The following PRIM2 variants were observed in gnomAD, a reference collection of about 807,000 sequenced individuals.
PRIM2 encodes DNA primase subunit 2.
A neutral mutation model predicts 67.3 loss-of-function variants in PRIM2; 39 were observed. The observed-to-expected ratio is 0.58, with a 90% CI of 0.45 to 0.76. The LOEUF (loss-of-function observed/expected upper bound fraction) is 0.76. Among genes scored for constraint, PRIM2 ranks in the 30% least tolerant of loss-of-function variants. The probability of loss-of-function intolerance (pLI) is 0.00; values close to 1 mark genes in which losing one functional copy is unlikely to be tolerated. For missense variants in PRIM2, 398 were observed against 598.7 expected (o/e 0.66, Z 3.50); for synonymous variants, 143 against 198.7 (o/e 0.72, Z 2.36).
At chr6:57,398,346 T>C (rs951984520) in intron 7 of PRIM2, among the ~76,000 whole-genome samples, 3 of 152,144 alleles carry the variant, frequency 2.0e-5, no homozygotes, top group African/African-American at 7.2e-5. Context: ...TCTAATATGT[T>C]GTATCTTTGC....
rs1183448473 is a variant in PRIM2 at position 57,555,198 on chromosome 6, G to A, written c.1020+17573G>A. On this transcript the variant is annotated intron_variant, in intron 10 of 13. Transcript: ENST00000615550. ...ACTTGCTATCCTTTGGCATGGTTGAGCCATTTAAAATAATTTGTTAGAGTG... is the reference window on the plus strand; with the variant it reads ...ACTTGCTATCCTTTGGCATGGTTGAACCATTTAAAATAATTTGTTAGAGTG... Among the ~76,000 whole-genome samples, 8 of 152,284 alleles carry A rather than the reference G, an allele frequency of 5.3e-5. No homozygotes were observed. The South Asian group carries it at 6.2e-4, about 12-fold the overall frequency.
intron 5 of PRIM2, among the ~76,000 whole-genome samples, chr6:57,345,493 TGTGTGTGTGTGTG>T (rs1768645128): frequency 7.9e-4 from 63 of 79,518 alleles, no homozygotes; most frequent in African/African-American, 3.4e-3. Flanking sequence ...TGTGTGTGTG[TGTGTGTGTGTGTG>T]TACATACATA....
intron 7 of PRIM2, among the ~76,000 whole-genome samples, chr6:57,416,502 G>A (rs1771267058): frequency 6.6e-6 from 1 of 152,176 alleles, no homozygotes; most frequent in Non-Finnish European, 1.5e-5. Flanking sequence ...GTCACCAGCT[G>A]CATTAGCCCC....
the PRIM2 span, among the ~76,000 whole-genome samples, chr6:57,261,512 A>G: frequency 6.6e-6 from 1 of 152,214 alleles, no homozygotes; most frequent in Non-Finnish European, 1.5e-5. Flanking sequence ...GTGATACGGA[A>G]CAGGGTAGAG....
chr6:57,387,303 T>C (rs1770185640), intron 7 of PRIM2, among the ~76,000 whole-genome samples: 1 of 152,166 alleles, frequency 6.6e-6, no homozygotes, highest in Non-Finnish European at 1.5e-5. Context: ...AACTGACAGA[T>C]ACCAAATAAT....
intron 10 of PRIM2, among the ~76,000 whole-genome samples, chr6:57,558,159 T>C (rs1361352926): frequency 1.3e-5 from 2 of 152,294 alleles, no homozygotes; most frequent in Non-Finnish European, 1.5e-5. Context: ...AGGATAGTGA[T>C]GGGATTGATA....
At chr6:57,313,034 C>A (rs1767417136), upstream of PRIM2, among the ~76,000 whole-genome samples, 1 of 152,048 alleles carries the variant, frequency 6.6e-6, no homozygotes, top group Non-Finnish European at 1.5e-5. Context: ...CTATTCTGTT[C>A]CATTGATTGA....
At chr6:57,557,535 C>G (rs1193093727) in intron 10 of PRIM2, among the ~76,000 whole-genome samples, 5 of 152,086 alleles carry the variant, frequency 3.3e-5, no homozygotes, top group Non-Finnish European at 7.4e-5. Flanking sequence ...TCAAATGCTG[C>G]ACATTCTCAT....
intron 7 of PRIM2, among the ~76,000 whole-genome samples, chr6:57,459,106 A>C (rs9367746): frequency 4.6e-5 from 7 of 152,336 alleles, no homozygotes; most frequent in South Asian, 4.1e-4. Flanking sequence ...AGTGTTAAGT[A>C]TGCTTGTTTT....
intron 7 of PRIM2, among the ~76,000 whole-genome samples, chr6:57,418,586 T>G (rs72873505): frequency 2.6e-5 from 4 of 151,268 alleles, no homozygotes; most frequent in Admixed American, 6.6e-5. Context: ...ATTTTTAGTA[T>G]AGATGGGGTT....
intron 7 of PRIM2, among the ~76,000 whole-genome samples, chr6:57,489,278 C>T (rs1262039144): frequency 1.3e-5 from 2 of 152,180 alleles, no homozygotes; most frequent in African/African-American, 2.4e-5. Flanking sequence ...TTATTTAGGC[C>T]GGGTGCAGTG....
At chr6:57,257,374 C>T in the PRIM2 span, among the ~76,000 whole-genome samples, 14 of 151,290 alleles carry the variant, frequency 9.3e-5, no homozygotes, top group East Asian at 2.5e-3. Context: ...TGGATTCAAG[C>T]GATTCTCCTG....
the PRIM2 span, among the ~76,000 whole-genome samples, chr6:57,262,894 C>A: frequency 6.6e-6 from 1 of 152,182 alleles, no homozygotes; most frequent in African/African-American, 2.4e-5. Context: ...GCTCTCCCAA[C>A]CCCCAAACCC....
chr6:57,495,395 T>A (rs1393176105), intron 7 of PRIM2, among the ~76,000 whole-genome samples: 22 of 152,170 alleles, frequency 1.4e-4, no homozygotes, highest in African/African-American at 5.1e-4. Context: ...AAGGAAGACA[T>A]CATTGTGCTC....
At chr6:57,319,902 T>C (rs1228311502) in intron 2 of PRIM2, among the ~76,000 whole-genome samples, 1 of 152,172 alleles carries the variant, frequency 6.6e-6, no homozygotes, top group African/African-American at 2.4e-5. Flanking sequence ...CAAAAATGCC[T>C]CCAGAGAATA....
the PRIM2 span, among the ~76,000 whole-genome samples, chr6:57,272,770 G>T: frequency 6.6e-6 from 1 of 152,182 alleles, no homozygotes; most frequent in Non-Finnish European, 1.5e-5. Context: ...GGTACCGGTT[G>T]TTCCTTTCCA....
the PRIM2 span, among the ~76,000 whole-genome samples, chr6:57,293,433 C>A: frequency 1.3e-5 from 2 of 152,172 alleles, no homozygotes; most frequent in African/African-American, 4.8e-5. Flanking sequence ...TGTGGCAATT[C>A]CTCAAGGATC....
intron 7 of PRIM2, among the ~76,000 whole-genome samples, chr6:57,398,582 G>A (rs993680812): frequency 6.6e-6 from 1 of 152,046 alleles, no homozygotes; most frequent in African/African-American, 2.4e-5. Context: ...GTCGCTTTTA[G>A]AGCATTTGCT....
the PRIM2 span, among the ~76,000 whole-genome samples, chr6:57,241,798 A>T: frequency 6.9e-6 from 1 of 145,266 alleles, no homozygotes; most frequent in Non-Finnish European, 1.5e-5. Flanking sequence ...TCAACCTCCC[A>T]AGTAGCTGGG....
Sources: allele counts gnomAD v4.1 joint callset (sites outside exome capture counted in the v4.1 genomes callset), GRCh38; gene constraint gnomAD v4.1.1; transcripts MANE v1.5; gene names NCBI Gene and HGNC (gene_info 2026-07-23, HGNC 2026-07-21).